OR4K1: variants seen among roughly 807,000 people sequenced by gnomAD.
OR4K1 encodes olfactory receptor 4K1.
A neutral mutation model predicts 14.4 loss-of-function variants in OR4K1; 16 were observed. That is an observed-to-expected ratio of 1.11 (90% CI 0.75 to 1.68). OR4K1 has a LOEUF of 1.68. Among genes scored for constraint, OR4K1 ranks in the 40% most tolerant of loss-of-function variants. OR4K1 has a pLI of 0.00. For missense variants in OR4K1, 548 were observed against 376.9 expected, an observed-to-expected ratio of 1.45 and a Z score of -3.76; for synonymous variants, 181 against 133.1, an observed-to-expected ratio of 1.36 and a Z score of -2.48.
rs767232297 is a variant in OR4K1, at chr14:19,936,241, C to T, written c.575C>T (p.Thr192Ile). ...PLVIELACMD[T>I]YEMEIMTLTN... ...GTGATAGAGCTGGCTTGCATGGATA[C>T]ATATGAAATGGAAATTATGACCCTA... Residue 192 changes from threonine to isoleucine, a missense_variant, in exon 2 of 2, where the codon ACA (threonine) becomes ATA (isoleucine). Coordinates refer to ENST00000641172, the MANE Select transcript of OR4K1 (RefSeq NM_001004063.3). The T allele has an allele frequency of 6.2e-7, 1 of 1,614,214 alleles. No homozygotes were observed. Among genetic ancestry groups the T allele is most frequent in the South Asian group, 1.1e-5 (1 of 91,088 alleles).
upstream of OR4K1, among the ~76,000 whole-genome samples, chr14:19,930,063 T>C (rs1231548397): frequency 3.9e-5 from 6 of 152,224 alleles, no homozygotes; most frequent in African/African-American, 1.4e-4. Flanking sequence ...CAAAATATTA[T>C]TTAACAATTT....
chr14:19,921,250 T>G, the OR4K1 span: 21 of 1,614,088 alleles, frequency 1.3e-5, no homozygotes, highest in Non-Finnish European at 1.7e-5. Flanking sequence ...TCTCTCTTGG[T>G]CAGCTCCTAC....
chr14:19,928,273 TCTTG>T (rs1283632838), upstream of OR4K1, among the ~76,000 whole-genome samples: 4 of 152,332 alleles, frequency 2.6e-5, no homozygotes, highest in Non-Finnish European at 5.9e-5. Flanking sequence ...TTTACTATGA[TCTTG>T]CTTATTTATT....
chr14:19,933,302 C>T (rs1594455096), intron 1 of OR4K1, among the ~76,000 whole-genome samples: 1 of 152,102 alleles, frequency 6.6e-6, no homozygotes, highest in East Asian at 1.9e-4. Flanking sequence ...ATTTAATAGG[C>T]TTTCCACAAT....
At chr14:19,927,711 C>A (rs1882091614), upstream of OR4K1, among the ~76,000 whole-genome samples, 1 of 152,192 alleles carries the variant, frequency 6.6e-6, no homozygotes, top group African/African-American at 2.4e-5. Context: ...GGTGGCAAAT[C>A]AACTGTATCA....
chr14:19,936,189 G>C lies in OR4K1; in HGVS notation c.523G>C (p.Asp175His), dbSNP rs769190846. 29 of 1,614,084 alleles carry C rather than the reference G, an allele frequency of 1.8e-5. No individual in the cohort carries two copies. Among genetic ancestry groups the C allele is most frequent in the Non-Finnish European group, 2.2e-5 (26 of 1,180,028 alleles). Residue 175 changes from aspartate to histidine, a missense_variant, in exon 2 of 2, where the codon GAT becomes CAT. Asp to His is a moderately conservative substitution (Grantham distance 81). Transcript: ENST00000641172. ...GCCATTCTGTGGTCCCAATGAGGTGGATAGCTTCTTTTGTGACCTTCCCTT... is the reference window on the plus strand; with the variant it reads ...GCCATTCTGTGGTCCCAATGAGGTGCATAGCTTCTTTTGTGACCTTCCCTT... ...DLPFCGPNEV[D>H]SFFCDLPLVI...
At chr14:19,920,634 T>C in the OR4K1 span, 1 of 1,611,162 alleles carries the variant, frequency 6.2e-7, no homozygotes, top group Non-Finnish European at 8.5e-7. Context: ...TTCAGTGGTG[T>C]CTGAATTTGT....
At position 19,936,539 on chromosome 14, in the gene OR4K1, TGAA is replaced by T. The variant is rs1205141900; in HGVS notation, c.876_878del (p.Glu292del). ...ACCCCATCATCTACTCTCTGAGGAA[TGAA>T]GATGTTAAAGCAGCCATGTGGAAGC... is the stretch of plus-strand genomic sequence containing the variant. On this transcript the variant is annotated inframe_deletion, in exon 2 of 2. Transcript: ENST00000641172. The T allele has an allele frequency of 6.2e-7, 1 of 1,612,128 alleles. No homozygotes were observed. The highest frequency in any genetic ancestry group is 1.1e-5 in the South Asian group (1 of 90,682).
intron 1 of OR4K1, among the ~76,000 whole-genome samples, chr14:19,932,238 A>C (rs1882200563): frequency 6.6e-6 from 1 of 152,244 alleles, no homozygotes; most frequent in African/African-American, 2.4e-5. Context: ...TGATTTTTGA[A>C]AAAGGAATAA....
rs747900135 is a variant in OR4K1 at position 19,936,545 on chromosome 14, T to C, written c.879T>C (p.Asp293=). 5.6e-6 allele frequency: 9 copies of C among 1,611,378 alleles called. No homozygotes were observed. The South Asian group carries it at 6.6e-5, about 12-fold the overall frequency. The part of the protein sequence containing the change: ...NPIIYSLRNE[D]VKAAMWKLRN... ...TCATCTACTCTCTGAGGAATGAAGA[T>C]GTTAAAGCAGCCATGTGGAAGCTGA... Residue 293 remains aspartate, a synonymous_variant, in exon 2 of 2, where the codon GAT becomes GAC. Transcript: ENST00000641172.
At chr14:19,927,785 G>A (rs903245083), upstream of OR4K1, among the ~76,000 whole-genome samples, 76 of 152,334 alleles carry the variant, frequency 5.0e-4, no homozygotes, top group African/African-American at 1.8e-3. Flanking sequence ...TATTCCTGAT[G>A]TGAGTTTTCC....
At chr14:19,927,054 GC>G (rs1243961996), upstream of OR4K1, among the ~76,000 whole-genome samples, 1 of 152,248 alleles carries the variant, frequency 6.6e-6, no homozygotes, top group East Asian at 1.9e-4. Context: ...ACAGCAGCAA[GC>G]CATCACACAT....
chr14:19,922,374 A>C, the OR4K1 span, among the ~76,000 whole-genome samples: 1 of 152,220 alleles, frequency 6.6e-6, no homozygotes, highest in Non-Finnish European at 1.5e-5. Flanking sequence ...TCCTCCAGCA[A>C]GTTTTATTGC....
rs998861019 is a variant in OR4K1 at position 19,934,926 on chromosome 14, GCCTCTCAAAGTGCTGGGATTA to G, written c.-19-720_-19-700del. ...GACCTCAGGTGATCCACCTGCCTTGGCCTCTCAAAGTGCTGGGATTACAGGCATGACCCACCGTGCCTGGCC... is the reference window on the plus strand; with the variant it reads ...GACCTCAGGTGATCCACCTGCCTTGGCAGGCATGACCCACCGTGCCTGGCC... On this transcript the variant is annotated intron_variant, in intron 1 of 1. Transcript: ENST00000641172. 5.3e-5 allele frequency among the ~76,000 whole-genome samples: 8 copies of G among 152,278 alleles called. No homozygotes were observed. In the East Asian group the frequency reaches 1.5e-3, roughly 29 times the overall value.
chr14:19,920,901 G>A, the OR4K1 span: 1 of 1,614,174 alleles, frequency 6.2e-7, no homozygotes, highest in South Asian at 1.1e-5. Flanking sequence ...TGGCTGCATA[G>A]CCCAAATTTT....
At chr14:19,926,621 G>A (rs1882068567), upstream of OR4K1, among the ~76,000 whole-genome samples, 1 of 152,040 alleles carries the variant, frequency 6.6e-6, no homozygotes, top group East Asian at 1.9e-4. Context: ...CAAGATCATT[G>A]AATGTTATAG....
At chr14:19,927,018 T>C (rs1007096256), upstream of OR4K1, among the ~76,000 whole-genome samples, 3 of 152,264 alleles carry the variant, frequency 2.0e-5, no homozygotes, top group East Asian at 3.8e-4. Context: ...GTTATCAGAT[T>C]TATTAAATCA....
chr14:19,925,468 G>A, the OR4K1 span, among the ~76,000 whole-genome samples: 1 of 152,210 alleles, frequency 6.6e-6, no homozygotes, highest in Non-Finnish European at 1.5e-5. Flanking sequence ...CCCTGGCTAA[G>A]CCAAACTCTA....
chr14:19,933,126 T>TAAAAAA (rs1882223258), intron 1 of OR4K1, among the ~76,000 whole-genome samples: 1 of 151,858 alleles, frequency 6.6e-6, no homozygotes, highest in Non-Finnish European at 1.5e-5. Context: ...GGAGTTTTTT[T>TAAAAAA]ACTGTAATTA....
Sources: gnomAD v4.1 joint callset for allele counts (sites outside exome capture counted in the v4.1 genomes callset) on GRCh38, gnomAD v4.1.1 for gene constraint, MANE v1.5 for transcripts, NCBI Gene and HGNC (gene_info 2026-07-23, HGNC 2026-07-21) for gene names.